The following TASP1 variants were observed in gnomAD, a reference collection of about 807,000 sequenced individuals.
The protein encoded by TASP1 is threonine aspartase 1.
A neutral mutation model predicts 56.6 loss-of-function variants in TASP1; 16 were observed. That is an observed-to-expected ratio of 0.28 (90% CI 0.19 to 0.43). The LOEUF is 0.43. TASP1 is among the 20% of genes least tolerant of loss of function. The pLI, the probability that TASP1 is intolerant of heterozygous loss-of-function variation, is 1.00. For synonymous variants in TASP1, 179 were observed against 184.2 expected, an observed-to-expected ratio of 0.97 and a Z score of 0.23; for missense variants, 393 against 511.6, an observed-to-expected ratio of 0.77 and a Z score of 2.24.
chr20:13,433,720 A>C (rs1202454451), intron 12 of TASP1, among the ~76,000 whole-genome samples: 2 of 151,982 alleles, frequency 1.3e-5, no homozygotes, highest in Admixed American at 1.3e-4. Flanking sequence ...AGGGACGTGT[A>C]CTATAGCAAT....
the TASP1 span, chr20:13,299,192 G>A: frequency 6.2e-7 from 1 of 1,605,502 alleles, no homozygotes. This position sits in a 1 kb window ranked among gnomAD's most constrained non-coding sequence, Gnocchi z 5.8. Context: ...TGTCCCTGGA[G>A]AGCACCACGC....
At chr20:13,551,671 C>T (rs2045986232) in intron 8 of TASP1, among the ~76,000 whole-genome samples, 1 of 152,168 alleles carries the variant, frequency 6.6e-6, no homozygotes, top group Admixed American at 6.5e-5. Flanking sequence ...AACTCTCAGT[C>T]ATGTAGCAAC....
At chr20:13,474,506 A>G (rs1176623059) in intron 11 of TASP1, among the ~76,000 whole-genome samples, 2 of 152,190 alleles carry the variant, frequency 1.3e-5, no homozygotes, top group Non-Finnish European at 2.9e-5. Flanking sequence ...TGGTGTGTAT[A>G]TACCATATTT....
intron 6 of TASP1, among the ~76,000 whole-genome samples, chr20:13,572,979 C>A (rs978706209): frequency 3.3e-5 from 5 of 152,088 alleles, no homozygotes; most frequent in Admixed American, 1.3e-4. Context: ...TATGGGAGAA[C>A]ATAACTAATT....
intron 4 of TASP1, among the ~76,000 whole-genome samples, chr20:13,615,114 C>A (rs1048806254): frequency 2.6e-5 from 4 of 152,134 alleles, no homozygotes; most frequent in Non-Finnish European, 5.9e-5. Flanking sequence ...TTTAAGTCCT[C>A]TACTAAGCTT....
the TASP1 span, among the ~76,000 whole-genome samples, chr20:13,276,295 C>T: frequency 5.3e-5 from 8 of 152,066 alleles, no homozygotes; most frequent in Admixed American, 2.0e-4. Context: ...TTCTCAGTGG[C>T]GTTGGTTTAT....
intron 10 of TASP1, among the ~76,000 whole-genome samples, chr20:13,490,492 T>C (rs921958649): frequency 1.3e-5 from 2 of 152,138 alleles, no homozygotes; most frequent in Non-Finnish European, 2.9e-5. Context: ...TCTAAATCCT[T>C]CCAACAATGC....
the TASP1 span, among the ~76,000 whole-genome samples, chr20:13,332,165 T>A: frequency 6.6e-6 from 1 of 152,182 alleles, no homozygotes; most frequent in Non-Finnish European, 1.5e-5. Flanking sequence ...TAGAGATTAC[T>A]TACTTCAAAA....
At chr20:13,236,957 A>C in the TASP1 span, among the ~76,000 whole-genome samples, 1 of 152,168 alleles carries the variant, frequency 6.6e-6, no homozygotes, top group Non-Finnish European at 1.5e-5. Flanking sequence ...ACATGGTGCA[A>C]GCTGTCGGTA....
chr20:13,626,311 C>T (rs1026202993), intron 2 of TASP1, among the ~76,000 whole-genome samples: 19 of 152,120 alleles, frequency 1.2e-4, no homozygotes, highest in African/African-American at 4.6e-4. Context: ...CCTGTAATCC[C>T]AGCTACTCAG....
At chr20:13,225,880 GGATATA>G in the TASP1 span, among the ~76,000 whole-genome samples, 7 of 152,104 alleles carry the variant, frequency 4.6e-5, no homozygotes, top group South Asian at 1.2e-3. Context: ...ACATAGATAT[GGATATA>G]GATATAGATA....
At chr20:13,333,800 A>G in the TASP1 span, among the ~76,000 whole-genome samples, 4 of 152,118 alleles carry the variant, frequency 2.6e-5, no homozygotes, top group Non-Finnish European at 2.9e-5. Context: ...TGCATCACAC[A>G]CTTACTTTCC....
chr20:13,429,347 G>A (rs896783821), intron 12 of TASP1, among the ~76,000 whole-genome samples: 7 of 152,140 alleles, frequency 4.6e-5, no homozygotes, highest in Admixed American at 1.3e-4. Context: ...AAGTTATTGC[G>A]GGAAAAAAAT....
At chr20:13,558,977 A>T in intron 8 of TASP1, 31 bp downstream of exon 8, 1 of 1,367,660 alleles carries the variant, frequency 7.3e-7, no homozygotes, top group African/African-American at 1.5e-5. Context: ...CATCTGATAC[A>T]TTAATTTGAA....
intron 13 of TASP1, among the ~76,000 whole-genome samples, chr20:13,399,481 T>C (rs1029440185): frequency 5.9e-5 from 9 of 152,170 alleles, no homozygotes; most frequent in African/African-American, 2.2e-4. Context: ...TTCCTCACCC[T>C]AGTAAATGGC....
chr20:13,293,503 C>CTT, the TASP1 span, among the ~76,000 whole-genome samples: 3 of 146,496 alleles, frequency 2.0e-5, no homozygotes, highest in African/African-American at 7.5e-5. Context: ...AGTCCTGAGT[C>CTT]TTTTTTTTTT....
At chr20:13,608,251 T>C (rs2048229059) in intron 4 of TASP1, among the ~76,000 whole-genome samples, 1 of 152,254 alleles carries the variant, frequency 6.6e-6, no homozygotes. Flanking sequence ...ACAGGATGAA[T>C]GGAAGCCAAT....
the TASP1 span, among the ~76,000 whole-genome samples, chr20:13,149,821 G>A: frequency 6.6e-6 from 1 of 152,168 alleles, no homozygotes; most frequent in African/African-American, 2.4e-5. Context: ...GGGACAGCCG[G>A]GGCCAATTAA....
the TASP1 span, among the ~76,000 whole-genome samples, chr20:13,226,756 C>T: frequency 6.6e-6 from 1 of 152,188 alleles, no homozygotes; most frequent in Non-Finnish European, 1.5e-5. Context: ...CTCAGAGCAG[C>T]AAGAGAATAA....
Sources: allele counts gnomAD v4.1 joint callset (sites outside exome capture counted in the v4.1 genomes callset), GRCh38; gene constraint gnomAD v4.1.1; non-coding constraint Gnocchi (gnomAD v3.1); transcripts MANE v1.5; gene names NCBI Gene and HGNC (gene_info 2026-07-23, HGNC 2026-07-21).